Variants in SNRPN observed in about 807,000 individuals in gnomAD.
SNRPN encodes the protein small nuclear ribonucleoprotein-associated protein N.
In SNRPN, 7 loss-of-function variants were observed where a neutral mutation model predicts 25.2. The ratio of observed to expected loss-of-function variants is 0.28; its 90% CI spans 0.16 to 0.52. The LOEUF is 0.52. Among genes scored for constraint, SNRPN ranks in the 20% least tolerant of loss-of-function variants. The pLI, the probability that SNRPN is intolerant of heterozygous loss-of-function variation, is 0.96. For synonymous variants in SNRPN, 124 were observed against 110.6 expected, an observed-to-expected ratio of 1.12 and a Z score of -0.76; for missense variants, 196 against 322.5, an observed-to-expected ratio of 0.61 and a Z score of 3.00.
At chr15:24,930,570 A>T (rs1433040371) in intron 3 of SNRPN, among the ~76,000 whole-genome samples, 2 of 113,286 alleles carry the variant, frequency 1.8e-5, no homozygotes, top group Non-Finnish European at 3.6e-5. Flanking sequence ...ACATAGGGAA[A>T]CCCTGTCTCT....
intron 3 of SNRPN, among the ~76,000 whole-genome samples, chr15:24,948,261 A>G (rs1184880059): frequency 6.6e-6 from 1 of 151,888 alleles, no homozygotes; most frequent in African/African-American, 2.4e-5. Flanking sequence ...CTACAGATGC[A>G]TGCCACCATG....
intron 2 of SNRPN, among the ~76,000 whole-genome samples, chr15:24,900,200 G>A (rs2058362445): frequency 6.6e-6 from 1 of 152,158 alleles, no homozygotes; most frequent in South Asian, 2.1e-4. Context: ...GAGTGATTAC[G>A]AACAGAAAAT....
At chr15:24,920,942 C>G (rs35207533) in intron 3 of SNRPN, among the ~76,000 whole-genome samples, 14,639 of 152,084 alleles carry the variant, frequency 0.096, 907 homozygotes, top group African/African-American at 0.17. Flanking sequence ...GGAGAGTTAC[C>G]CAGGTGTAGT....
In SNRPN at chr15:24,974,435, A is replaced by G; in HGVS notation, c.-19A>G. ...ATCAAGTTTTAACTGTGGACATTGG[A>G]TTTGGTGGAACAGCAATCATGGTAA... On this transcript the variant is annotated 5_prime_UTR_variant, in exon 4 of 10. Transcript: ENST00000390687. The G allele has an allele frequency of 6.2e-7, 1 of 1,613,300 alleles. No individual in the cohort carries two copies. The highest frequency in any genetic ancestry group is 8.5e-7 in the Non-Finnish European group (1 of 1,179,402).
upstream of SNRPN, among the ~76,000 whole-genome samples, chr15:24,853,192 G>GTTAAACATT (rs1476742468): frequency 2.0e-5 from 3 of 152,084 alleles, no homozygotes; most frequent in Non-Finnish European, 4.4e-5. Flanking sequence ...AAGAACCAAT[G>GTTAAACATT]TTAAACATTA....
intron 1 of SNRPN, among the ~76,000 whole-genome samples, chr15:24,871,606 C>T (rs895696393): frequency 2.6e-5 from 4 of 151,864 alleles, no homozygotes; most frequent in Non-Finnish European, 4.4e-5. Flanking sequence ...TACAATTTAC[C>T]CATTTTTAGT....
At chr15:24,889,390 C>T (rs1021320640) in intron 2 of SNRPN, among the ~76,000 whole-genome samples, 2 of 152,030 alleles carry the variant, frequency 1.3e-5, no homozygotes, top group Non-Finnish European at 2.9e-5. Context: ...GCAAGCTCCG[C>T]CTCCCGGGTT....
chr15:24,875,882 C>T (rs1263348442), intron 1 of SNRPN, among the ~76,000 whole-genome samples: 1 of 151,844 alleles, frequency 6.6e-6, no homozygotes, highest in African/African-American at 2.4e-5. Context: ...AGTGAAACCC[C>T]ATCTCTACCA....
At chr15:24,873,854 G>A (rs2055521696) in intron 1 of SNRPN, among the ~76,000 whole-genome samples, 1 of 152,116 alleles carries the variant, frequency 6.6e-6, no homozygotes, top group African/African-American at 2.4e-5. Flanking sequence ...AGTGAGAGAT[G>A]CAGCTGATCT....
chr15:24,892,652 G>T (rs576959211), intron 2 of SNRPN, among the ~76,000 whole-genome samples: 2 of 146,386 alleles, frequency 1.4e-5, no homozygotes, highest in Non-Finnish European at 3.0e-5. Context: ...CAGGAGAATC[G>T]CTTGAACCTG....
At chr15:24,855,439 C>T (rs60069074), upstream of SNRPN, among the ~76,000 whole-genome samples, 4,550 of 152,124 alleles carry the variant, frequency 0.03, 183 homozygotes, top group African/African-American at 0.095. Flanking sequence ...ACTTACATCA[C>T]GTGTTTTAGA....
upstream of SNRPN, chr15:24,852,009 C>T (rs950719655): frequency 2.0e-5 from 3 of 152,272 alleles, no homozygotes; most frequent in South Asian, 2.1e-4. Flanking sequence ...AAGTTACTTA[C>T]ATAAATTACT....
At chr15:24,834,799 A>ACCTGTAATC (rs1224845432) in intron 2 of SNRPN, among the ~76,000 whole-genome samples, 3 of 133,414 alleles carry the variant, frequency 2.2e-5, no homozygotes, top group African/African-American at 5.5e-5. Context: ...GGTGGCAGTC[A>ACCTGTAATC]CCTGTAATCC....
intron 1 of SNRPN, among the ~76,000 whole-genome samples, chr15:24,863,743 C>A (rs1303213884): frequency 6.6e-6 from 1 of 150,926 alleles, no homozygotes; most frequent in East Asian, 2.0e-4. Flanking sequence ...GCCACCCCTG[C>A]ATGTTCATAA....
intron 2 of SNRPN, among the ~76,000 whole-genome samples, chr15:24,913,418 A>G (rs1187558657): frequency 6.6e-6 from 1 of 152,126 alleles, no homozygotes; most frequent in Non-Finnish European, 1.5e-5. Flanking sequence ...CAAGGTGGGC[A>G]GATCACTTGA....
rs1296753108 is a variant in SNRPN at position 24,978,693 on chromosome 15, T to A, written c.*249T>A. ...TGATTCAAATCATATTCTCTTTAATTCTTAGGATAAAAAGGTTTTCTGCTA... is the reference window on the plus strand; with the variant it reads ...TGATTCAAATCATATTCTCTTTAATACTTAGGATAAAAAGGTTTTCTGCTA... On this transcript the variant is annotated 3_prime_UTR_variant, in exon 10 of 10. Transcript: ENST00000390687. The A allele has an allele frequency of 7.4e-6, 4 of 540,498 alleles. No individual in the cohort carries two copies. The highest frequency in any genetic ancestry group is 3.8e-5 in the African/African-American group (2 of 52,382). The allele number at this position is 540,498 out of a possible 1,614,324, so 33.5% of individuals were successfully genotyped here. A position where few individuals can be genotyped will look rare whatever the true frequency, so the allele number is the denominator to read the frequency against.
chr15:24,853,738 T>C (rs758608949), upstream of SNRPN, among the ~76,000 whole-genome samples: 1 of 152,182 alleles, frequency 6.6e-6, no homozygotes. Context: ...GCCATTCTTA[T>C]CACATCATAC....
chr15:24,937,573 A>C (rs2061314186), intron 3 of SNRPN, among the ~76,000 whole-genome samples: 1 of 152,152 alleles, frequency 6.6e-6, no homozygotes, highest in African/African-American at 2.4e-5. Context: ...TTTTCATGTG[A>C]ATCTAGTGTA....
At chr15:24,853,368 C>T (rs2053063183), upstream of SNRPN, among the ~76,000 whole-genome samples, 1 of 151,952 alleles carries the variant, frequency 6.6e-6, no homozygotes. Context: ...TCTTTCATGA[C>T]ATTGACATAC....
Sources: allele counts gnomAD v4.1 joint callset (sites outside exome capture counted in the v4.1 genomes callset), GRCh38; gene constraint gnomAD v4.1.1; transcripts MANE v1.5; gene names NCBI Gene and HGNC (gene_info 2026-07-23, HGNC 2026-07-21).